Variants in KCND3 observed in about 807,000 individuals in gnomAD.
KCND3 encodes the protein potassium voltage-gated channel subfamily D member 3, also known as A-type voltage-gated potassium channel KCND3.
In KCND3, 9 loss-of-function variants were observed where a neutral mutation model predicts 51.1. That is an observed-to-expected ratio of 0.18 (90% CI 0.11 to 0.31). KCND3 has a LOEUF of 0.31. KCND3 is among the 10% of genes least tolerant of loss of function. The pLI, the probability that KCND3 is intolerant of heterozygous loss-of-function variation, is 1.00. For synonymous variants in KCND3, 349 were observed against 368.0 expected (o/e 0.95, Z 0.59); for missense variants, 526 against 903.8 (o/e 0.58, Z 5.36).
chr1:111,925,153 C>G (rs1671646415), intron 2 of KCND3, among the ~76,000 whole-genome samples: 1 of 152,234 alleles, frequency 6.6e-6, no homozygotes, highest in Non-Finnish European at 1.5e-5. Flanking sequence ...CTAGGCTGCC[C>G]ATGGCCCTTG....
chr1:111,983,007 TG>T (rs1219092446), intron 1 of KCND3, among the ~76,000 whole-genome samples: 1 of 151,942 alleles, frequency 6.6e-6, no homozygotes, highest in Non-Finnish European at 1.5e-5. Context: ...CTCGGCAGGG[TG>T]GGATCGCCAG....
At chr1:111,824,147 G>A (rs1571696772) in intron 2 of KCND3, among the ~76,000 whole-genome samples, 3 of 146,160 alleles carry the variant, frequency 2.1e-5, no homozygotes, top group Non-Finnish European at 3.0e-5. Context: ...GCTCAAACAA[G>A]AAATAACAAA....
chr1:111,881,110 G>A (rs571933949), intron 2 of KCND3, among the ~76,000 whole-genome samples: 5 of 152,256 alleles, frequency 3.3e-5, no homozygotes, highest in Admixed American at 6.5e-5. Flanking sequence ...GAAAGGGGCG[G>A]CCCCCCTCCA....
At chr1:111,827,477 T>A (rs10857907) in intron 2 of KCND3, among the ~76,000 whole-genome samples, 84,556 of 152,056 alleles carry the variant, frequency 0.56, 25,404 homozygotes, top group Non-Finnish European at 0.67. Context: ...CAGAATTTTG[T>A]TACCTGCCTC....
chr1:111,834,768 A>C (rs1399420429), intron 2 of KCND3, among the ~76,000 whole-genome samples: 1 of 152,230 alleles, frequency 6.6e-6, no homozygotes, highest in Non-Finnish European at 1.5e-5. Context: ...AATTTATTAC[A>C]TCTTTTTATA....
At chr1:111,783,928 A>T (rs993785995) in intron 3 of KCND3, among the ~76,000 whole-genome samples, 1 of 152,252 alleles carries the variant, frequency 6.6e-6, no homozygotes, top group African/African-American at 2.4e-5. Context: ...ATTCATTTAT[A>T]TAACATTTTT....
chr1:111,907,144 G>A (rs1557711182), intron 2 of KCND3, among the ~76,000 whole-genome samples: 1 of 152,230 alleles, frequency 6.6e-6, no homozygotes, highest in Non-Finnish European at 1.5e-5. Context: ...GCACAAGTGT[G>A]CAATAGAGAT....
intron 2 of KCND3, among the ~76,000 whole-genome samples, chr1:111,800,082 G>A (rs150226118): frequency 0.029 from 4,374 of 149,078 alleles, 93 homozygotes; most frequent in Non-Finnish European, 0.047. Flanking sequence ...TGATAATGGC[G>A]GCTTTGTGGA....
intron 2 of KCND3, among the ~76,000 whole-genome samples, chr1:111,964,526 G>C (rs1673859183): frequency 6.6e-6 from 1 of 152,152 alleles, no homozygotes; most frequent in African/African-American, 2.4e-5. Context: ...CAGCCCCAGA[G>C]GAACAAGGTC....
At chr1:111,847,676 T>C (rs1007199223) in intron 2 of KCND3, among the ~76,000 whole-genome samples, 4 of 151,944 alleles carry the variant, frequency 2.6e-5, no homozygotes, top group African/African-American at 9.7e-5. Context: ...AAAGAGTAAA[T>C]ATAATTATCC....
At chr1:111,818,739 G>A (rs1037914373) in intron 2 of KCND3, among the ~76,000 whole-genome samples, 1 of 152,138 alleles carries the variant, frequency 6.6e-6, no homozygotes, top group Admixed American at 6.5e-5. Flanking sequence ...TCTCCTCTGT[G>A]TCAGAAGGGC....
intron 2 of KCND3, among the ~76,000 whole-genome samples, chr1:111,954,016 G>C (rs1673193414): frequency 1.3e-5 from 2 of 152,186 alleles, no homozygotes; most frequent in African/African-American, 4.8e-5. Flanking sequence ...AGCCAGGATG[G>C]GGGGTGGGGG....
chr1:111,832,740 C>A (rs6697187), intron 2 of KCND3, among the ~76,000 whole-genome samples: 2 of 152,018 alleles, frequency 1.3e-5, no homozygotes, highest in Non-Finnish European at 2.9e-5. Context: ...CCGAAGATAA[C>A]GAGGCTGAAG....
chr1:111,945,825 G>T (rs1478321447), intron 2 of KCND3, among the ~76,000 whole-genome samples: 2 of 152,188 alleles, frequency 1.3e-5, no homozygotes, highest in Non-Finnish European at 2.9e-5. Context: ...ACCAATTAGG[G>T]TCCTCTGAGG....
At chr1:111,842,794 G>C (rs567476340) in intron 2 of KCND3, among the ~76,000 whole-genome samples, 2 of 152,312 alleles carry the variant, frequency 1.3e-5, no homozygotes, top group East Asian at 3.9e-4. Flanking sequence ...AGTTGGGGAG[G>C]TGGGTACCAC....
At chr1:111,947,799 G>A (rs1166477247) in intron 2 of KCND3, among the ~76,000 whole-genome samples, 3 of 152,206 alleles carry the variant, frequency 2.0e-5, no homozygotes, top group African/African-American at 7.2e-5. Flanking sequence ...TTTAAGAATT[G>A]TCAGAGGGAC....
At chr1:111,970,244 T>G (rs1674254336) in intron 2 of KCND3, among the ~76,000 whole-genome samples, 1 of 152,164 alleles carries the variant, frequency 6.6e-6, no homozygotes, top group Admixed American at 6.5e-5. Flanking sequence ...CTCGAATTTC[T>G]GACCTCAGTT....
intron 2 of KCND3, among the ~76,000 whole-genome samples, chr1:111,940,073 G>GTTTTT (rs61088602): frequency 0.015 from 1,255 of 85,412 alleles, 40 homozygotes; most frequent in Middle Eastern, 0.025. Flanking sequence ...CTTTTTGATG[G>GTTTTT]TTTTTTTTTT....
intron 2 of KCND3, among the ~76,000 whole-genome samples, chr1:111,956,312 A>G (rs1040526251): frequency 6.6e-6 from 1 of 152,156 alleles, no homozygotes; most frequent in Non-Finnish European, 1.5e-5. Context: ...GAGGGCATCA[A>G]CGTCATCAGT....
Sources: allele counts gnomAD v4.1 joint callset (sites outside exome capture counted in the v4.1 genomes callset), GRCh38; gene constraint gnomAD v4.1.1; transcripts MANE v1.5; gene names NCBI Gene and HGNC (gene_info 2026-07-23, HGNC 2026-07-21).